MEIG1: variants seen among roughly 807,000 people sequenced by gnomAD.
The protein encoded by MEIG1 is meiosis expressed gene 1 protein homolog.
Under a neutral mutation model 11.3 loss-of-function variants are expected in MEIG1, and 12 were observed. That is an observed-to-expected ratio of 1.07 (90% CI 0.68 to 1.73). MEIG1 has a LOEUF of 1.73. Ranked by LOEUF, MEIG1 falls within the 40% of genes most tolerant of loss-of-function variation. MEIG1 has a pLI of 0.00. For missense variants in MEIG1, 119 were observed against 104.9 expected, an observed-to-expected ratio of 1.13 and a Z score of -0.59; for synonymous variants, 41 against 33.2, an observed-to-expected ratio of 1.24 and a Z score of -0.81.
chr10:14,982,252 A>G (rs1291476438), intron 1 of MEIG1, among the ~76,000 whole-genome samples: 1 of 151,870 alleles, frequency 6.6e-6, no homozygotes, highest in Non-Finnish European at 1.5e-5. Flanking sequence ...CTTCCAAGAG[A>G]GCTTCCCTGC....
rs184233524 is a variant in MEIG1 at position 14,969,705 on chromosome 10, G to A, written c.139-2808G>A. On this transcript the variant is annotated intron_variant, in intron 2 of 2. Coordinates refer to ENST00000407572, the MANE Select transcript of MEIG1 (RefSeq NM_001080836.3). ...CACAAAATTAGCCGGGCATGGTGGT[G>A]CACACATGTAATCCCAGCTACTAGG... Among the ~76,000 whole-genome samples, 81 of 152,052 alleles carry A rather than the reference G, an allele frequency of 5.3e-4. 1 individual carries two copies. In the East Asian group the frequency reaches 0.014, roughly 27 times the overall value.
chr10:14,966,632 C>T, intron 2 of MEIG1, 26 bp downstream of exon 2: 1 of 1,591,336 alleles, frequency 6.3e-7, no homozygotes, highest in South Asian at 1.2e-5. Context: ...CTACAAACCT[C>T]AACTCGAAAT....
chr10:14,981,598 C>G (rs577356634), intron 1 of MEIG1, among the ~76,000 whole-genome samples: 100 of 152,248 alleles, frequency 6.6e-4, no homozygotes, highest in Middle Eastern at 3.4e-3. Context: ...GTCTCTACCC[C>G]CGACAGTCAT....
rs543774872 is a variant in MEIG1 at position 14,986,999 on chromosome 10, C to G, written n.270C>G. On this transcript the variant is annotated non_coding_transcript_exon_variant, in exon 2 of 3. Coordinates refer to the MEIG1 transcript ENST00000467536. ...AGGCTAAGGAAAAAGGACACCAAAA[C>G]GAAGAAGACACAGAGGTGAGGATTC... The G allele has an allele frequency of 9.6e-5, 64 of 665,076 alleles. No individual in the cohort carries two copies. The African/African-American group carries it at 1.2e-3, about 12-fold the overall frequency. The allele number at this position is 665,076 out of a possible 1,614,324, so 41.2% of individuals were successfully genotyped here. A position where few individuals can be genotyped will look rare whatever the true frequency, so the allele number is the denominator to read the frequency against.
upstream of MEIG1, among the ~76,000 whole-genome samples, chr10:14,954,648 A>G (rs145420157): frequency 4.6e-5 from 7 of 152,146 alleles, no homozygotes; most frequent in East Asian, 1.4e-3. Flanking sequence ...GGCAAATAAG[A>G]TCCCAATAAT....
intron 1 of MEIG1, among the ~76,000 whole-genome samples, chr10:14,985,728 A>G (rs1256330445): frequency 6.6e-6 from 1 of 152,006 alleles, no homozygotes; most frequent in Non-Finnish European, 1.5e-5. Flanking sequence ...GCAATACCCT[A>G]GGAGGATGTT....
Position 14,966,176 on chromosome 10 carries a change from G to A in MEIG1, c.-29-264G>A, listed in dbSNP as rs562450512. On this transcript the variant is annotated intron_variant, in intron 1 of 2. Transcript: ENST00000407572. Reference sequence around the variant, plus strand: ...CCTCCTGGGTTCAAGCCATTCTCCTGGCTCAGCTGCCCCAGTAGCTGGGAT... The same window carrying A: ...CCTCCTGGGTTCAAGCCATTCTCCTAGCTCAGCTGCCCCAGTAGCTGGGAT... 2.5e-3 allele frequency among the ~76,000 whole-genome samples: 367 copies of A among 145,132 alleles called. 1 individual carries two copies. The highest frequency in any genetic ancestry group is 9.0e-3 in the African/African-American group (351 of 39,186).
chr10:14,974,677 G>T (rs1424992857), downstream of MEIG1, among the ~76,000 whole-genome samples: 2 of 151,828 alleles, frequency 1.3e-5, no homozygotes, highest in South Asian at 4.2e-4. Context: ...AATCAATAGC[G>T]ATAATAATGA....
chr10:14,986,254 G>C (rs1843316979), intron 1 of MEIG1, among the ~76,000 whole-genome samples: 1 of 152,176 alleles, frequency 6.6e-6, no homozygotes, highest in African/African-American at 2.4e-5. Context: ...GAACCCAGGA[G>C]GCAGAGGATC....
chr10:14,967,456 A>G (rs537508539), intron 2 of MEIG1, among the ~76,000 whole-genome samples: 5 of 151,294 alleles, frequency 3.3e-5, no homozygotes, highest in Admixed American at 2.0e-4. Flanking sequence ...GCTCCCGTTT[A>G]TACAGTGTGG....
intron 1 of MEIG1, among the ~76,000 whole-genome samples, chr10:14,978,597 A>AT (rs1843233988): frequency 6.6e-6 from 1 of 151,852 alleles, no homozygotes; most frequent in Non-Finnish European, 1.5e-5. Context: ...TCCTACGGGG[A>AT]TGTTACTCAT....
rs959969831 is a variant in MEIG1 at position 14,972,721 on chromosome 10, G to T, written c.*80G>T. The stretch of plus-strand genomic sequence containing the variant: ...CTACATCATGTGTTTGTCATTTGAT[G>T]AAATAATTCAAGATGCAGTCTGCAG... On this transcript the variant is annotated 3_prime_UTR_variant, in exon 3 of 3. Transcript: ENST00000407572. 2.3e-6 allele frequency: 3 copies of T among 1,324,030 alleles called. No individual in the cohort carries two copies. Among genetic ancestry groups the T allele is most frequent in the African/African-American group, 1.5e-5 (1 of 66,986 alleles). 82.0% of individuals were successfully genotyped at this position (1,324,030 alleles called of 1,614,324 possible).
intron 2 of MEIG1, among the ~76,000 whole-genome samples, chr10:14,966,981 G>T (rs370594882): frequency 1.3e-5 from 2 of 152,116 alleles, no homozygotes; most frequent in East Asian, 1.9e-4. Flanking sequence ...TGATCCACGC[G>T]CCTAAGCCTT....
intron 1 of MEIG1, among the ~76,000 whole-genome samples, chr10:14,963,258 G>T (rs771201969): frequency 2.0e-5 from 3 of 151,666 alleles, no homozygotes; most frequent in Non-Finnish European, 2.9e-5. Flanking sequence ...CACCACGCCC[G>T]GCTAATTTTG....
chr10:14,960,278 G>C (rs964402848), intron 1 of MEIG1, among the ~76,000 whole-genome samples: 1 of 152,210 alleles, frequency 6.6e-6, no homozygotes, highest in African/African-American at 2.4e-5. Flanking sequence ...TAATGCTCTT[G>C]AAGTTTTAAT....
chr10:14,968,391 G>A (rs2131269890), intron 2 of MEIG1, among the ~76,000 whole-genome samples: 1 of 152,266 alleles, frequency 6.6e-6, no homozygotes, highest in Admixed American at 6.5e-5. Context: ...GGGAGGCTGA[G>A]GCAGGAGAAT....
chr10:14,972,796 C>T lies in MEIG1; in HGVS notation c.*155C>T. ...GCCATGAGAATTGGTATCTGCTAAT[C>T]ACCTTGTCCTGTTCTAAGAACTGGC... On this transcript the variant is annotated 3_prime_UTR_variant, in exon 3 of 3. Transcript: ENST00000407572. 1.5e-6 allele frequency: 1 copy of T among 663,406 alleles called. No individual in the cohort carries two copies. The highest frequency in any genetic ancestry group is 2.0e-5 in the South Asian group (1 of 49,922). 41.1% of individuals were successfully genotyped at this position (663,406 alleles called of 1,614,324 possible).
At chr10:14,972,441 A>C (rs1935399) in intron 2 of MEIG1, 72 bp from the exon 3 acceptor site, 1 of 1,591,534 alleles carries the variant, frequency 6.3e-7, no homozygotes, top group Admixed American at 1.7e-5. Context: ...CTTTTTAACT[A>C]TTTGATAGTA....
rs928881112 is a variant in MEIG1 at position 14,969,297 on chromosome 10, T to A, written c.138+2691T>A. 4.7e-5 allele frequency among the ~76,000 whole-genome samples: 7 copies of A among 149,824 alleles called. No individual in the cohort carries two copies. In the East Asian group the frequency reaches 1.4e-3, roughly 30 times the overall value. ...ACCCATTTCTACAAAAAACTTTTTT[T>A]AATTAGCCAGGCATGGTGGAGTGTC... On this transcript the variant is annotated intron_variant, in intron 2 of 2. Transcript: ENST00000407572.
Sources: gnomAD v4.1 joint callset for allele counts (sites outside exome capture counted in the v4.1 genomes callset) on GRCh38, gnomAD v4.1.1 for gene constraint, MANE v1.5 for transcripts, NCBI Gene and HGNC (gene_info 2026-07-23, HGNC 2026-07-21) for gene names.